The following ADAMTSL1 variants were observed in gnomAD, a reference collection of about 807,000 sequenced individuals.
ADAMTSL1 encodes the protein ADAMTS like 1.
A neutral mutation model predicts 201.8 loss-of-function variants in ADAMTSL1; 126 were observed. The ratio of observed to expected loss-of-function variants is 0.62; its 90% CI spans 0.54 to 0.72. ADAMTSL1 has a LOEUF of 0.72. Ranked by LOEUF, ADAMTSL1 falls within the 30% of genes least tolerant of loss-of-function variation. ADAMTSL1 has a pLI of 0.00. For synonymous variants in ADAMTSL1, 1,121 were observed against 903.4 expected, an observed-to-expected ratio of 1.24 and a Z score of -4.32; for missense variants, 2,679 against 2,277.8, an observed-to-expected ratio of 1.18 and a Z score of -3.59.
At chr9:18,591,663 T>C (rs74967778) in intron 4 of ADAMTSL1, among the ~76,000 whole-genome samples, 2 of 152,326 alleles carry the variant, frequency 1.3e-5, no homozygotes, top group Admixed American at 6.5e-5. Context: ...AAAGTTATTG[T>C]GGTTTTGGAC....
intron 1 of ADAMTSL1, among the ~76,000 whole-genome samples, chr9:18,134,559 C>G (rs1019224774): frequency 6.6e-6 from 1 of 152,108 alleles, no homozygotes; most frequent in African/African-American, 2.4e-5. Flanking sequence ...TGATGTTTGA[C>G]ATTTACAAAT....
chr9:18,243,943 A>C (rs554690788), intron 2 of ADAMTSL1, among the ~76,000 whole-genome samples: 2 of 152,012 alleles, frequency 1.3e-5, no homozygotes, highest in Middle Eastern at 3.4e-3. Context: ...TGCTTAGTGC[A>C]GTCATATGCT....
At chr9:18,199,409 A>C (rs919522141) in intron 2 of ADAMTSL1, among the ~76,000 whole-genome samples, 2 of 152,082 alleles carry the variant, frequency 1.3e-5, no homozygotes, top group Admixed American at 1.3e-4. Context: ...AATATAAGAC[A>C]ATTGATCACT....
intron 2 of ADAMTSL1, among the ~76,000 whole-genome samples, chr9:18,206,471 A>G (rs968737156): frequency 4.6e-5 from 7 of 151,830 alleles, no homozygotes; most frequent in East Asian, 1.9e-4. Context: ...TTTGTTCTCT[A>G]TTGACTTCAT....
At chr9:18,533,198 T>C in intron 2 of ADAMTSL1, 49 bp from the exon 3 acceptor site, 1 of 1,515,224 alleles carries the variant, frequency 6.6e-7, no homozygotes, top group Non-Finnish European at 9.0e-7. Flanking sequence ...ATTTCTGATT[T>C]TGAGCTTTTC....
intron 21 of ADAMTSL1, among the ~76,000 whole-genome samples, chr9:18,824,120 A>T (rs951908743): frequency 5.9e-5 from 9 of 152,162 alleles, no homozygotes; most frequent in African/African-American, 2.2e-4. Context: ...TTTCAGGAGA[A>T]AAATAGCTAA....
chr9:18,724,712 T>C (rs1372444472), intron 15 of ADAMTSL1, among the ~76,000 whole-genome samples: 1 of 152,126 alleles, frequency 6.6e-6, no homozygotes, highest in East Asian at 1.9e-4. Flanking sequence ...TATAAATGAG[T>C]ATGAAGGACC....
intron 15 of ADAMTSL1, among the ~76,000 whole-genome samples, chr9:18,725,247 A>G (rs757798134): frequency 6.6e-6 from 1 of 152,206 alleles, no homozygotes; most frequent in Non-Finnish European, 1.5e-5. Flanking sequence ...ATGGCAAAGT[A>G]TCCCCCAAGT....
rs867157072 is a variant in ADAMTSL1 at position 18,392,439 on chromosome 9, A to G, written c.208-112390A>G. ...AGTGGCATCTTAGTGCCTGCTCTCCAATAAGCATCTCTTTACTTCATCCTA... is the reference window on the plus strand; with the variant it reads ...AGTGGCATCTTAGTGCCTGCTCTCCGATAAGCATCTCTTTACTTCATCCTA... On this transcript the variant is annotated intron_variant, in intron 2 of 29. Transcript: ENST00000680146. Among the ~76,000 whole-genome samples, 40 of 152,302 alleles carry G rather than the reference A, an allele frequency of 2.6e-4. No individual in the cohort carries two copies. In the Middle Eastern group the frequency reaches 0.017, roughly 65 times the overall value.
chr9:18,625,266 A>T (rs1478229934), intron 5 of ADAMTSL1, among the ~76,000 whole-genome samples: 1 of 135,194 alleles, frequency 7.4e-6, no homozygotes, highest in Non-Finnish European at 1.6e-5. Flanking sequence ...CTGAACTTAT[A>T]TCCAAGTTTT....
At chr9:18,635,721 A>G (rs1827067504) in intron 5 of ADAMTSL1, among the ~76,000 whole-genome samples, 1 of 152,190 alleles carries the variant, frequency 6.6e-6, no homozygotes, top group African/African-American at 2.4e-5. Context: ...CTATTTTTTA[A>G]AAGGCCAAAT....
At chr9:18,769,840 T>C (rs889745488) in intron 16 of ADAMTSL1, among the ~76,000 whole-genome samples, 3 of 152,200 alleles carry the variant, frequency 2.0e-5, no homozygotes, top group Admixed American at 2.0e-4. Flanking sequence ...AGTGAAAAGC[T>C]GGGGACTCCT....
chr9:18,784,793 A>G (rs191378957), intron 19 of ADAMTSL1, among the ~76,000 whole-genome samples: 166 of 152,342 alleles, frequency 1.1e-3, no homozygotes, highest in African/African-American at 3.8e-3. Context: ...CTTTGAAGTT[A>G]CTATCCCAAT....
At chr9:18,187,974 A>T (rs1207149028) in intron 2 of ADAMTSL1, among the ~76,000 whole-genome samples, 1 of 152,176 alleles carries the variant, frequency 6.6e-6, no homozygotes. Context: ...ATTTAAGAAC[A>T]TGAGGTTTTG....
chr9:18,468,122 TTC>T lies in ADAMTSL1; in HGVS notation c.208-36703_208-36702del, dbSNP rs377320092. Among the ~76,000 whole-genome samples the T allele has an allele frequency of 2.8e-3, 419 of 152,332 alleles. 1 individual carries two copies. Among genetic ancestry groups the T allele is most frequent in the African/African-American group, 9.4e-3 (391 of 41,576 alleles). ...AAAGACAGTTTATTTGTTGCCAAGA[TTC>T]TCTGTAGCATTGTGCATTGCATACA... On this transcript the variant is annotated intron_variant, in intron 2 of 29. Transcript: ENST00000680146.
At chr9:18,130,995 G>T (rs746544998) in intron 1 of ADAMTSL1, among the ~76,000 whole-genome samples, 1 of 152,156 alleles carries the variant, frequency 6.6e-6, no homozygotes, top group Non-Finnish European at 1.5e-5. Context: ...TCAAGAGCAT[G>T]TTAAGAAGCC....
At chr9:18,856,093 T>C (rs924002277) in intron 23 of ADAMTSL1, among the ~76,000 whole-genome samples, 4 of 152,196 alleles carry the variant, frequency 2.6e-5, no homozygotes. Flanking sequence ...TTCATGATAG[T>C]TCGTAAAACA....
intron 2 of ADAMTSL1, among the ~76,000 whole-genome samples, chr9:18,167,497 G>A (rs1342110474): frequency 6.6e-6 from 1 of 151,754 alleles, no homozygotes; most frequent in African/African-American, 2.4e-5. Flanking sequence ...GTTTTTTAGG[G>A]CAAGTCATTA....
At chr9:18,228,702 G>T (rs1454292577) in intron 2 of ADAMTSL1, among the ~76,000 whole-genome samples, 1 of 152,172 alleles carries the variant, frequency 6.6e-6, no homozygotes, top group African/African-American at 2.4e-5. Context: ...TTACAGGCAT[G>T]AGCCACACTA....
Sources: allele counts gnomAD v4.1 joint callset (sites outside exome capture counted in the v4.1 genomes callset), GRCh38; gene constraint gnomAD v4.1.1; transcripts MANE v1.5; gene names NCBI Gene and HGNC (gene_info 2026-07-23, HGNC 2026-07-21).